ZFHX3: variants seen among roughly 807,000 people sequenced by gnomAD.
The protein encoded by ZFHX3 is zinc finger homeobox 3, also known as zinc finger homeobox protein 3.
A neutral mutation model predicts 279.1 loss-of-function variants in ZFHX3; 42 were observed. The ratio of observed to expected loss-of-function variants is 0.15; its 90% CI spans 0.12 to 0.19. ZFHX3 has a LOEUF of 0.19. Among genes scored for constraint, ZFHX3 ranks in the 10% least tolerant of loss-of-function variants. ZFHX3 has a pLI of 1.00. For synonymous variants in ZFHX3, 2,293 were observed against 1,957.8 expected (o/e 1.17, Z -4.52); for missense variants, 4,981 against 4,754.0 (o/e 1.05, Z -1.40).
intron 2 of ZFHX3, among the ~76,000 whole-genome samples, chr16:73,532,632 G>A (rs1390571898): frequency 6.6e-6 from 1 of 152,142 alleles, no homozygotes; most frequent in Admixed American, 6.5e-5. Context: ...TAGGAGTGTA[G>A]CCTTAGTCAA....
At chr16:73,067,177 C>T (rs1743682628) in intron 8 of ZFHX3, among the ~76,000 whole-genome samples, 1 of 152,200 alleles carries the variant, frequency 6.6e-6, no homozygotes, top group African/African-American at 2.4e-5. Context: ...GCACGTCTCC[C>T]TCCCTCTCAT....
chr16:73,766,507 T>C (rs1004287787), intron 1 of ZFHX3, among the ~76,000 whole-genome samples: 1 of 152,172 alleles, frequency 6.6e-6, no homozygotes, highest in African/African-American at 2.4e-5. Context: ...ATATCACTTG[T>C]GCATCTGGGG....
At chr16:73,119,389 G>C (rs1281586209) in intron 7 of ZFHX3, among the ~76,000 whole-genome samples, 1 of 152,180 alleles carries the variant, frequency 6.6e-6, no homozygotes, top group Non-Finnish European at 1.5e-5. Context: ...TTACAGGTGT[G>C]AGTCACCACA....
At chr16:73,112,912 C>CACT (rs1247260146) in intron 7 of ZFHX3, among the ~76,000 whole-genome samples, 2 of 151,888 alleles carry the variant, frequency 1.3e-5, no homozygotes, top group East Asian at 3.9e-4. Flanking sequence ...CGGAGCCAGG[C>CACT]CCGCCCTGGA....
chr16:73,000,045 G>A (rs1963437369), intron 1 of ZFHX3, among the ~76,000 whole-genome samples: 2 of 152,252 alleles, frequency 1.3e-5, no homozygotes, highest in South Asian at 4.1e-4. Context: ...ACTGGGCTTT[G>A]TTCCCGGAGC....
chr16:73,217,335 T>G (rs2012250156), intron 5 of ZFHX3, among the ~76,000 whole-genome samples: 2 of 152,180 alleles, frequency 1.3e-5, no homozygotes, highest in Non-Finnish European at 2.9e-5. Flanking sequence ...GACCGTCCGA[T>G]TTGAGTTCAG....
At chr16:73,457,231 C>A (rs186654602) in intron 2 of ZFHX3, among the ~76,000 whole-genome samples, 1 of 152,118 alleles carries the variant, frequency 6.6e-6, no homozygotes, top group South Asian at 2.1e-4. Context: ...TCTCTGGAAA[C>A]CATCCTGGTG....
intron 3 of ZFHX3, among the ~76,000 whole-genome samples, chr16:72,945,678 A>G (rs1960630915): frequency 6.6e-6 from 1 of 152,140 alleles, no homozygotes; most frequent in African/African-American, 2.4e-5. Flanking sequence ...AACAAAAAAA[A>G]TAGTCTAATA....
At chr16:73,408,115 T>TC (rs1422216309) in intron 3 of ZFHX3, among the ~76,000 whole-genome samples, 3 of 151,142 alleles carry the variant, frequency 2.0e-5, no homozygotes, top group African/African-American at 4.9e-5. Context: ...ACTTGTTTTT[T>TC]TTTTTTTGCT....
chr16:73,385,992 G>C (rs2016895160), intron 3 of ZFHX3, among the ~76,000 whole-genome samples: 1 of 152,052 alleles, frequency 6.6e-6, no homozygotes, highest in Admixed American at 6.6e-5. Flanking sequence ...GAAATGGTGG[G>C]GGGTGGGGGG....
intron 4 of ZFHX3, among the ~76,000 whole-genome samples, chr16:72,859,130 A>T (rs945580245): frequency 6.6e-6 from 1 of 152,204 alleles, no homozygotes; most frequent in African/African-American, 2.4e-5. Flanking sequence ...TGATGTTTCC[A>T]AAAAGCAATG....
At chr16:72,829,727 G>T in intron 5 of ZFHX3, 52 bp downstream of exon 5, 2 of 1,593,408 alleles carry the variant, frequency 1.3e-6, no homozygotes, top group Non-Finnish European at 1.7e-6. Context: ...AGATGAGAAG[G>T]CTCAAGGACA....
At chr16:73,327,908 TA>T (rs2015725450) in intron 3 of ZFHX3, among the ~76,000 whole-genome samples, 1 of 152,180 alleles carries the variant, frequency 6.6e-6, no homozygotes, top group East Asian at 1.9e-4. Flanking sequence ...CATGGATTTA[TA>T]AAATCCCAGA....
chr16:72,884,377 C>A (rs951741924), intron 4 of ZFHX3, among the ~76,000 whole-genome samples: 8 of 152,300 alleles, frequency 5.3e-5, no homozygotes, highest in African/African-American at 1.9e-4. Flanking sequence ...TCTGAATGAT[C>A]GTGCACCCTC....
intron 3 of ZFHX3, among the ~76,000 whole-genome samples, chr16:73,425,025 C>T (rs1056564793): frequency 2.6e-5 from 4 of 152,154 alleles, no homozygotes; most frequent in African/African-American, 9.7e-5. Context: ...TGCCTGTCCC[C>T]ACCCTCTCTT....
intron 1 of ZFHX3, among the ~76,000 whole-genome samples, chr16:73,038,376 C>G (rs1457815301): frequency 1.3e-5 from 2 of 152,184 alleles, no homozygotes; most frequent in South Asian, 2.1e-4. Flanking sequence ...AAGGCCTTAC[C>G]TTTCAGAGAA....
chr16:73,243,205 T>C (rs537854416), intron 5 of ZFHX3, among the ~76,000 whole-genome samples: 2 of 152,352 alleles, frequency 1.3e-5, no homozygotes, highest in African/African-American at 2.4e-5. Flanking sequence ...GAAGTGGTTA[T>C]ATAGGCCTGG....
chr16:73,650,258 T>G (rs916819753), intron 2 of ZFHX3, among the ~76,000 whole-genome samples: 1 of 150,916 alleles, frequency 6.6e-6, no homozygotes, highest in African/African-American at 2.4e-5. Flanking sequence ...GCAAAAAAAT[T>G]AGCTCAAAAT....
intron 5 of ZFHX3, among the ~76,000 whole-genome samples, chr16:73,248,209 T>C (rs1212201444): frequency 6.6e-6 from 1 of 151,866 alleles, no homozygotes; most frequent in Admixed American, 6.6e-5. Context: ...TCTGTGTGTA[T>C]ATATGTGTGT....
Sources: gnomAD v4.1 joint callset for allele counts (sites outside exome capture counted in the v4.1 genomes callset) on GRCh38, gnomAD v4.1.1 for gene constraint, MANE v1.5 for transcripts, NCBI Gene and HGNC (gene_info 2026-07-23, HGNC 2026-07-21) for gene names.